The following WDR41 variants were observed in gnomAD, a reference collection of about 807,000 sequenced individuals.
WDR41 encodes the protein WD repeat-containing protein 41.
WDR41 carries 63 observed loss-of-function variants against 69.3 expected under a neutral mutation model. The ratio of observed to expected loss-of-function variants is 0.91; its 90% CI spans 0.74 to 1.12. WDR41 has a LOEUF of 1.12. Among genes scored for constraint, WDR41 ranks in the 50% most tolerant of loss-of-function variants. The pLI, the probability that WDR41 is intolerant of heterozygous loss-of-function variation, is 0.00. For missense variants in WDR41, 543 were observed against 534.5 expected (o/e 1.02, Z -0.16); for synonymous variants, 185 against 192.1 (o/e 0.96, Z 0.31).
At chr5:77,600,468 G>A (rs1744302655) in intron 1 of WDR41, among the ~76,000 whole-genome samples, 2 of 152,148 alleles carry the variant, frequency 1.3e-5, no homozygotes, top group African/African-American at 4.8e-5. Context: ...AAGGCATAAG[G>A]GGATTTTTGG....
At chr5:77,492,048 C>T in intron 1 of WDR41, 122 bp downstream of exon 1, 1 of 1,261,240 alleles carries the variant, frequency 7.9e-7, no homozygotes, top group Non-Finnish European at 1.1e-6. Context: ...GTGGCACGAG[C>T]TCAGCAGCCA....
chr5:77,604,006 G>T (rs1325996161), intron 1 of WDR41, among the ~76,000 whole-genome samples: 1 of 152,158 alleles, frequency 6.6e-6, no homozygotes, highest in Non-Finnish European at 1.5e-5. Context: ...GTCAGGTAGT[G>T]TGATGGCTCC....
Position 77,612,141 on chromosome 5 carries a change from C to T in WDR41, c.42+8338G>A, listed in dbSNP as rs150047189. Among the ~76,000 whole-genome samples, 238 of 152,228 alleles carry T rather than the reference C, an allele frequency of 1.6e-3. 1 individual carries two copies. Among genetic ancestry groups the T allele is most frequent in the African/African-American group, 5.0e-3 (206 of 41,522 alleles). ...CCAATAACAGGCTCTGAAATTGTGA[C>T]GATAATCAATAGTTTACCAACCAAA... On this transcript the variant is annotated intron_variant, in intron 1 of 5. Coordinates refer to the WDR41 transcript ENST00000509971.
At chr5:77,582,044 A>C (rs1432724431) in intron 1 of WDR41, among the ~76,000 whole-genome samples, 1 of 152,204 alleles carries the variant, frequency 6.6e-6, no homozygotes, top group Non-Finnish European at 1.5e-5. Flanking sequence ...AATCAATGAA[A>C]TCAAAAGCCA....
At chr5:77,477,987 G>GATA (rs1241926658) in intron 2 of WDR41, among the ~76,000 whole-genome samples, 11 of 150,924 alleles carry the variant, frequency 7.3e-5, no homozygotes, top group Non-Finnish European at 1.2e-4. Flanking sequence ...AAATGATAAA[G>GATA]GGGATATCAC....
At chr5:77,492,733 C>T (rs1801869099), upstream of WDR41, 1 of 155,276 alleles carries the variant, frequency 6.4e-6, no homozygotes, top group South Asian at 2.0e-4. Context: ...CAGTAGACTT[C>T]TGCATCCAGA....
At chr5:77,455,911 T>C (rs938858830) in intron 5 of WDR41, among the ~76,000 whole-genome samples, 2 of 152,046 alleles carry the variant, frequency 1.3e-5, no homozygotes, top group African/African-American at 4.8e-5. Context: ...CATTTTAAGA[T>C]TGTTTCGGCT....
Position 77,456,241 on chromosome 5 carries a change from T to C in WDR41, c.412-2313A>G, listed in dbSNP as rs542816121. Among the ~76,000 whole-genome samples, 14 of 152,322 alleles carry C rather than the reference T, an allele frequency of 9.2e-5. No homozygotes were observed. In the East Asian group the frequency reaches 2.3e-3, roughly 25 times the overall value. On this transcript the variant is annotated intron_variant, in intron 5 of 12. Coordinates refer to ENST00000296679, the MANE Select transcript of WDR41 (RefSeq NM_018268.4). Reference sequence around the variant, plus strand: ...CCAGGTTAGTCGTGAACTCCTGACCTCAAGCAATCCTCCCACCTTGGCCTC... The same window carrying C: ...CCAGGTTAGTCGTGAACTCCTGACCCCAAGCAATCCTCCCACCTTGGCCTC...
chr5:77,484,992 A>G (rs1406772945), intron 2 of WDR41, among the ~76,000 whole-genome samples: 1 of 152,214 alleles, frequency 6.6e-6, no homozygotes, highest in Non-Finnish European at 1.5e-5. Flanking sequence ...AAGCAAGGCA[A>G]TAGTACAAAG....
intron 1 of WDR41, chr5:77,582,599 C>G: frequency 6.2e-7 from 1 of 1,600,372 alleles, no homozygotes; most frequent in South Asian, 1.1e-5. Context: ...GCGAGGATGG[C>G]AAGAAAAGCT....
intron 2 of WDR41, among the ~76,000 whole-genome samples, chr5:77,471,655 G>A (rs543757715): frequency 1.3e-5 from 2 of 152,114 alleles, no homozygotes; most frequent in African/African-American, 4.8e-5. Context: ...ACACCTCTAT[G>A]CAAATAAACT....
At chr5:77,478,089 T>C (rs1801034982) in intron 2 of WDR41, among the ~76,000 whole-genome samples, 1 of 152,142 alleles carries the variant, frequency 6.6e-6, no homozygotes, top group Admixed American at 6.5e-5. Context: ...AATGGATAAA[T>C]TCCTCGACAC....
intron 5 of WDR41, among the ~76,000 whole-genome samples, chr5:77,457,003 C>G (rs1561740705): frequency 6.6e-6 from 1 of 152,180 alleles, no homozygotes; most frequent in Non-Finnish European, 1.5e-5. Flanking sequence ...CACACCCAGC[C>G]TAGCCTTTCA....
intron 4 of WDR41, among the ~76,000 whole-genome samples, chr5:77,461,324 T>C (rs1021579909): frequency 6.6e-6 from 1 of 152,222 alleles, no homozygotes; most frequent in African/African-American, 2.4e-5. Context: ...TATGTATGTA[T>C]AGAGAGTTTA....
chr5:77,600,897 T>C (rs1168574795), intron 1 of WDR41, among the ~76,000 whole-genome samples: 1 of 150,318 alleles, frequency 6.7e-6, no homozygotes, highest in African/African-American at 2.5e-5. Flanking sequence ...AAAATTCACA[T>C]AACTAAAATT....
At chr5:77,545,003 C>T (rs185047153) in intron 1 of WDR41, among the ~76,000 whole-genome samples, 2 of 152,166 alleles carry the variant, frequency 1.3e-5, no homozygotes. Flanking sequence ...AACTGGAAAT[C>T]AACTCCAAAA....
At chr5:77,549,519 A>G (rs1046803095) in intron 1 of WDR41, among the ~76,000 whole-genome samples, 1 of 152,060 alleles carries the variant, frequency 6.6e-6, no homozygotes, top group African/African-American at 2.4e-5. Flanking sequence ...AGCCGCTCCA[A>G]AAAAAACACC....
intron 1 of WDR41, among the ~76,000 whole-genome samples, chr5:77,522,496 C>T (rs901345796): frequency 2.0e-5 from 3 of 152,026 alleles, no homozygotes; most frequent in Middle Eastern, 3.4e-3. Context: ...AAAAATTAGC[C>T]AGTCGTGGTG....
intron 2 of WDR41, chr5:77,480,266 C>G (rs538168540): frequency 6.6e-6 from 1 of 151,268 alleles, no homozygotes; most frequent in Non-Finnish European, 1.5e-5. Context: ...GTCAGTGTGG[C>G]GATTCCTCAG....
Sources: allele counts gnomAD v4.1 joint callset (sites outside exome capture counted in the v4.1 genomes callset), GRCh38; gene constraint gnomAD v4.1.1; transcripts MANE v1.5; gene names NCBI Gene and HGNC (gene_info 2026-07-23, HGNC 2026-07-21).